Variants in CAPZB observed in about 807,000 individuals in gnomAD.
The protein encoded by CAPZB is F-actin-capping protein subunit beta.
Under a neutral mutation model 38.1 loss-of-function variants are expected in CAPZB, and 2 were observed. The ratio of observed to expected loss-of-function variants is 0.05; its 90% CI spans 0.02 to 0.17. CAPZB has a LOEUF of 0.17. Ranked by LOEUF, CAPZB falls within the 10% of genes least tolerant of loss-of-function variation. The pLI is 1.00. For synonymous variants in CAPZB, 107 were observed against 127.4 expected (o/e 0.84, Z 1.08); for missense variants, 161 against 334.2 (o/e 0.48, Z 4.04).
At chr1:19,455,871 A>T (rs542180781) in intron 1 of CAPZB, among the ~76,000 whole-genome samples, 45 of 152,316 alleles carry the variant, frequency 3.0e-4, no homozygotes, top group African/African-American at 1.0e-3. Context: ...AGGAAAAACA[A>T]GGGCCAGTTT....
intron 1 of CAPZB, among the ~76,000 whole-genome samples, chr1:19,429,836 C>T (rs962144478): frequency 6.6e-6 from 1 of 152,092 alleles, no homozygotes; most frequent in Non-Finnish European, 1.5e-5. Flanking sequence ...CAGGCTTGCA[C>T]AGCACTCACT....
chr1:19,368,083 T>C (rs949965587), intron 4 of CAPZB, among the ~76,000 whole-genome samples: 3 of 152,174 alleles, frequency 2.0e-5, no homozygotes, highest in African/African-American at 7.2e-5. Flanking sequence ...GTCAGGGGCT[T>C]TGCATATCTT....
intron 4 of CAPZB, among the ~76,000 whole-genome samples, chr1:19,371,428 C>T (rs1335512341): frequency 6.6e-6 from 1 of 152,240 alleles, no homozygotes; most frequent in Admixed American, 6.5e-5. Flanking sequence ...GGCGTGAGTG[C>T]AGCAGGGGTC....
At chr1:19,475,577 G>A (rs1049566842) in intron 1 of CAPZB, among the ~76,000 whole-genome samples, 3 of 152,172 alleles carry the variant, frequency 2.0e-5, no homozygotes, top group African/African-American at 4.8e-5. Flanking sequence ...GACCCCGCTC[G>A]GCTCCTCTGT....
At chr1:19,442,942 G>A (rs924941107) in intron 1 of CAPZB, among the ~76,000 whole-genome samples, 9 of 152,218 alleles carry the variant, frequency 5.9e-5, no homozygotes, top group Middle Eastern at 3.4e-3. Flanking sequence ...GGAGGCCTTC[G>A]CTACTTGCAT....
chr1:19,422,447 G>T (rs1167328557), intron 1 of CAPZB, among the ~76,000 whole-genome samples: 1 of 152,118 alleles, frequency 6.6e-6, no homozygotes, highest in Non-Finnish European at 1.5e-5. Context: ...GCACATGCAG[G>T]CAAACGTTTT....
At chr1:19,417,109 G>A (rs554564549) in intron 2 of CAPZB, among the ~76,000 whole-genome samples, 9 of 152,126 alleles carry the variant, frequency 5.9e-5, no homozygotes, top group African/African-American at 1.4e-4. Flanking sequence ...AAACCCGCAC[G>A]GGCAGCAAGG....
At chr1:19,422,325 G>A (rs548463093) in intron 1 of CAPZB, among the ~76,000 whole-genome samples, 7 of 152,142 alleles carry the variant, frequency 4.6e-5, no homozygotes, top group African/African-American at 1.7e-4. Flanking sequence ...AGAATCACCC[G>A]GCCCAAACGT....
At chr1:19,373,158 C>T (rs1367932286) in intron 4 of CAPZB, among the ~76,000 whole-genome samples, 1 of 152,088 alleles carries the variant, frequency 6.6e-6, no homozygotes, top group Non-Finnish European at 1.5e-5. Flanking sequence ...CGTGAGAATG[C>T]CGCAGGGACC....
At chr1:19,461,238 C>T (rs1239005995) in intron 1 of CAPZB, among the ~76,000 whole-genome samples, 2 of 152,136 alleles carry the variant, frequency 1.3e-5, no homozygotes, top group Non-Finnish European at 2.9e-5. Flanking sequence ...AGCTAGTAAG[C>T]AGGGGGTGGA....
chr1:19,347,598 C>G (rs1396653416), intron 6 of CAPZB, among the ~76,000 whole-genome samples: 1 of 152,176 alleles, frequency 6.6e-6, no homozygotes, highest in Admixed American at 6.5e-5. Flanking sequence ...CTGTAGCAGT[C>G]TCTGCCTGCC....
At chr1:19,354,753 G>C (rs1315387334) in intron 6 of CAPZB, among the ~76,000 whole-genome samples, 1 of 152,164 alleles carries the variant, frequency 6.6e-6, no homozygotes, top group African/African-American at 2.4e-5. Context: ...CTGTAAACCG[G>C]GTGGAATTAT....
chr1:19,472,866 C>T (rs1013895608), intron 1 of CAPZB, among the ~76,000 whole-genome samples: 5 of 151,826 alleles, frequency 3.3e-5, no homozygotes, highest in Admixed American at 6.6e-5. Flanking sequence ...TACAGGCGCC[C>T]GCCATCACAC....
At chr1:19,440,163 T>C (rs141006764) in intron 1 of CAPZB, among the ~76,000 whole-genome samples, 2 of 152,310 alleles carry the variant, frequency 1.3e-5, no homozygotes, top group East Asian at 3.9e-4. Context: ...TTTTTGTTTT[T>C]CTGAAGCAGG....
chr1:19,472,804 G>A lies in CAPZB; in HGVS notation c.3+12632C>T, dbSNP rs1202832331. 8.6e-5 allele frequency among the ~76,000 whole-genome samples: 11 copies of A among 127,180 alleles called. No individual in the cohort carries two copies. In the South Asian group the frequency reaches 1.4e-3, roughly 16 times the overall value. The allele number at this position is 127,180 out of a possible 152,430, so 83.4% of individuals were successfully genotyped here. On this transcript the variant is annotated intron_variant, in intron 1 of 8. Coordinates refer to ENST00000264202, the MANE Select transcript of CAPZB (RefSeq NM_004930.5). ...ACGATCTCGGCTCACTGCAAGCTCC[G>A]CCTCCTGGGTTCACGCCATTCTCCT...
At chr1:19,343,292 C>A (rs1264991538) in intron 8 of CAPZB, among the ~76,000 whole-genome samples, 1 of 152,222 alleles carries the variant, frequency 6.6e-6, no homozygotes, top group African/African-American at 2.4e-5. Flanking sequence ...AAAGAGGACT[C>A]CTCCTCTGTT....
chr1:19,421,723 T>C (rs2094401822), intron 1 of CAPZB, among the ~76,000 whole-genome samples: 1 of 152,246 alleles, frequency 6.6e-6, no homozygotes, highest in Non-Finnish European at 1.5e-5. Context: ...CTGCCATTCA[T>C]TAACTTATGG....
intron 2 of CAPZB, among the ~76,000 whole-genome samples, chr1:19,399,318 C>T (rs1313260208): frequency 6.6e-6 from 1 of 152,200 alleles, no homozygotes; most frequent in Admixed American, 6.5e-5. Context: ...CAAGACATCA[C>T]AGGTAGACAT....
chr1:19,367,772 G>A (rs2094097857), intron 4 of CAPZB, among the ~76,000 whole-genome samples: 2 of 152,190 alleles, frequency 1.3e-5, no homozygotes, highest in Admixed American at 6.5e-5. Flanking sequence ...TGTGGCTGCC[G>A]CGCTTTAGTG....
Sources: allele counts gnomAD v4.1 joint callset (sites outside exome capture counted in the v4.1 genomes callset), GRCh38; gene constraint gnomAD v4.1.1; transcripts MANE v1.5; gene names NCBI Gene and HGNC (gene_info 2026-07-23, HGNC 2026-07-21).